Variants in UNC13C observed in about 807,000 individuals in gnomAD.
UNC13C encodes the protein protein unc-13 homolog C.
In UNC13C, 174 loss-of-function variants were observed where a neutral mutation model predicts 245.4. The ratio of observed to expected loss-of-function variants is 0.71; its 90% CI spans 0.63 to 0.80. The LOEUF is 0.80. Ranked by LOEUF, UNC13C falls within the 30% of genes least tolerant of loss-of-function variation. UNC13C has a pLI of 0.00. For missense variants in UNC13C, 2,829 were observed against 2,602.9 expected (o/e 1.09, Z -1.89); for synonymous variants, 992 against 895.1 (o/e 1.11, Z -1.93).
At chr15:54,400,415 A>C (rs920363870) in intron 18 of UNC13C, among the ~76,000 whole-genome samples, 2 of 152,004 alleles carry the variant, frequency 1.3e-5, no homozygotes, top group African/African-American at 4.8e-5. Context: ...AGCTATGTTC[A>C]TTATCCTTTA....
At chr15:54,300,950 G>A (rs941435908) in intron 13 of UNC13C, among the ~76,000 whole-genome samples, 17 of 151,740 alleles carry the variant, frequency 1.1e-4, no homozygotes, top group African/African-American at 2.7e-4. Context: ...CCCATAGAAC[G>A]CAAACAGTAT....
At chr15:53,872,265 G>A in the UNC13C span, among the ~76,000 whole-genome samples, 1 of 152,064 alleles carries the variant, frequency 6.6e-6, no homozygotes, top group African/African-American at 2.4e-5. Context: ...GAGTGGAGAA[G>A]TTTTTAATGA....
chr15:54,353,621 C>T (rs1285562064), intron 17 of UNC13C, among the ~76,000 whole-genome samples: 1 of 152,150 alleles, frequency 6.6e-6, no homozygotes, highest in African/African-American at 2.4e-5. Flanking sequence ...AACCAATGGT[C>T]AATCATCTGG....
At chr15:54,429,175 C>A (rs1464573468) in intron 19 of UNC13C, among the ~76,000 whole-genome samples, 1 of 151,762 alleles carries the variant, frequency 6.6e-6, no homozygotes, top group African/African-American at 2.4e-5. Context: ...TTAGCAGCCA[C>A]TCTCTGTCTT....
At chr15:54,418,848 A>G (rs1046520651) in intron 19 of UNC13C, among the ~76,000 whole-genome samples, 1 of 152,150 alleles carries the variant, frequency 6.6e-6, no homozygotes. Flanking sequence ...ATTGAAGGAA[A>G]GCATCAGTGT....
At chr15:53,946,206 A>G in the UNC13C span, among the ~76,000 whole-genome samples, 1 of 152,050 alleles carries the variant, frequency 6.6e-6, no homozygotes, top group Non-Finnish European at 1.5e-5. Flanking sequence ...TCCTATATTC[A>G]TATTTGGATG....
At chr15:54,494,846 A>T in intron 20 of UNC13C, 112 bp downstream of exon 20, 1 of 1,263,584 alleles carries the variant, frequency 7.9e-7, no homozygotes, top group Non-Finnish European at 1.1e-6. Context: ...ATTGGAATGC[A>T]GAAATTTCCA....
chr15:54,081,459 C>G (rs1898933654), intron 2 of UNC13C, among the ~76,000 whole-genome samples: 1 of 151,980 alleles, frequency 6.6e-6, no homozygotes, highest in Non-Finnish European at 1.5e-5. Context: ...GTTTGTGAAT[C>G]TTGGTACTCT....
chr15:53,959,331 T>C, the UNC13C span, among the ~76,000 whole-genome samples: 44 of 152,234 alleles, frequency 2.9e-4, no homozygotes, highest in African/African-American at 1.1e-3. Context: ...CTGGTTCATA[T>C]GGTATTTGTA....
intron 2 of UNC13C, among the ~76,000 whole-genome samples, chr15:54,076,018 C>T (rs1321171098): frequency 2.1e-5 from 3 of 145,780 alleles, no homozygotes; most frequent in Middle Eastern, 3.7e-3. Flanking sequence ...AGAATAGGGT[C>T]TTCTAGAGTT....
downstream of UNC13C, chr15:54,628,703 T>A (rs920975023): frequency 1.3e-5 from 2 of 152,328 alleles, no homozygotes; most frequent in African/African-American, 4.8e-5. Flanking sequence ...TGTAATAGTC[T>A]TCATATTATT....
chr15:54,013,227 A>T lies in UNC13C; in HGVS notation c.324A>T (p.Val108=), dbSNP rs750619730. ...IANGLQKNAK[V]TNSDNEDLLQ... is the part of the protein sequence containing the mutation. ...ATGGCCTACAAAAGAATGCTAAAGT[A>T]ACCAACAGTGATAATGAGGATCTGC... Residue 108 remains valine (V), a synonymous_variant, in exon 2 of 33, where the codon GTA becomes GTT. Coordinates refer to ENST00000260323, the MANE Select transcript of UNC13C (RefSeq NM_001080534.3). The T allele has an allele frequency of 6.2e-7, 1 of 1,613,690 alleles. No individual in the cohort carries two copies.
chr15:54,414,185 C>G (rs1391808465), intron 18 of UNC13C, among the ~76,000 whole-genome samples: 1 of 152,058 alleles, frequency 6.6e-6, no homozygotes, highest in East Asian at 1.9e-4. Context: ...AGTGAGGAAT[C>G]TTTGTTCATA....
chr15:54,101,334 T>G (rs1900152081), intron 2 of UNC13C, among the ~76,000 whole-genome samples: 1 of 152,326 alleles, frequency 6.6e-6, no homozygotes, highest in Non-Finnish European at 1.5e-5. Context: ...TGCCTCTGTC[T>G]TTTATTGCCA....
intron 4 of UNC13C, among the ~76,000 whole-genome samples, chr15:54,230,723 A>C: frequency 6.6e-6 from 1 of 152,060 alleles, no homozygotes. Context: ...GAAAATATTT[A>C]AAGTATGTTG....
rs560215513 is a variant in UNC13C at position 54,170,559 on chromosome 15, A to G, written c.3071+26875A>G. Reference sequence around the variant, plus strand: ...TAAAAACATTAGTAAGTGTTTTTTTATTTCCTTTTTTTTCCTTAAAATATC... The same window carrying G: ...TAAAAACATTAGTAAGTGTTTTTTTGTTTCCTTTTTTTTCCTTAAAATATC... On this transcript the variant is annotated intron_variant, in intron 4 of 32. Transcript: ENST00000260323. Among the ~76,000 whole-genome samples the G allele has an allele frequency of 3.3e-5, 5 of 152,094 alleles. No individual in the cohort carries two copies. The East Asian group carries it at 7.7e-4, about 23-fold the overall frequency.
At chr15:54,427,673 C>A (rs896737041) in intron 19 of UNC13C, among the ~76,000 whole-genome samples, 4 of 151,760 alleles carry the variant, frequency 2.6e-5, no homozygotes, top group Admixed American at 1.3e-4. Context: ...TTTAATTTTA[C>A]ATAATAATTA....
intron 4 of UNC13C, among the ~76,000 whole-genome samples, chr15:54,199,552 A>G (rs1000437307): frequency 5.3e-5 from 8 of 152,158 alleles, no homozygotes; most frequent in African/African-American, 1.9e-4. Flanking sequence ...TCCTTAAAAA[A>G]AACAATTATA....
Position 54,250,181 on chromosome 15 carries a change from C to T in UNC13C, c.3229-44C>T, listed in dbSNP as rs778024266. The stretch of plus-strand genomic sequence containing the variant: ...TGTTTTATTTTGAAACAATTCAAAT[C>T]CACTGACTTGGCGGTGCATTGGTAA... On this transcript the variant is annotated intron_variant, in intron 7 of 32. Transcript: ENST00000260323. 65 of 1,558,768 alleles carry T rather than the reference C, an allele frequency of 4.2e-5. 1 individual carries two copies. In the South Asian group the frequency reaches 7.3e-4, roughly 17 times the overall value.
Sources: allele counts gnomAD v4.1 joint callset (sites outside exome capture counted in the v4.1 genomes callset), GRCh38; gene constraint gnomAD v4.1.1; transcripts MANE v1.5; gene names NCBI Gene and HGNC (gene_info 2026-07-23, HGNC 2026-07-21).